Variants in KAT14 observed in about 807,000 individuals in gnomAD.
KAT14 encodes lysine acetyltransferase 14.
A neutral mutation model predicts 78.4 loss-of-function variants in KAT14; 66 were observed. That is an observed-to-expected ratio of 0.84 (90% CI 0.69 to 1.03). The LOEUF (loss-of-function observed/expected upper bound fraction) is 1.03. Among genes scored for constraint, KAT14 ranks in the 50% least tolerant of loss-of-function variants. KAT14 has a pLI of 0.00. For synonymous variants in KAT14, 344 were observed against 359.4 expected, an observed-to-expected ratio of 0.96 and a Z score of 0.48; for missense variants, 870 against 972.5, an observed-to-expected ratio of 0.89 and a Z score of 1.40.
At chr20:18,170,789 G>A (rs1168771143) in intron 7 of KAT14, among the ~76,000 whole-genome samples, 6 of 152,216 alleles carry the variant, frequency 3.9e-5, no homozygotes, top group African/African-American at 1.4e-4. Flanking sequence ...CGCCCGCCTC[G>A]GCCTCCCAAA....
intron 4 of KAT14, among the ~76,000 whole-genome samples, chr20:18,157,981 G>A (rs4814702): frequency 2.6e-5 from 4 of 151,774 alleles, no homozygotes; most frequent in African/African-American, 9.7e-5. Context: ...CTTGTTGCCC[G>A]GGCTGGAGTG....
chr20:18,184,904 C>T, intron 10 of KAT14, 112 bp downstream of exon 10: 3 of 1,163,804 alleles, frequency 2.6e-6, no homozygotes, highest in Non-Finnish European at 3.5e-6. Flanking sequence ...GGAATGGTTT[C>T]CTTGTAAACC....
rs186160210 is a variant in KAT14 at position 18,158,030 on chromosome 20, C to G, written c.501-1054C>G. 1.7e-3 allele frequency among the ~76,000 whole-genome samples: 256 copies of G among 152,186 alleles called. 1 individual carries two copies. Among genetic ancestry groups the G allele is most frequent in the African/African-American group, 5.9e-3 (246 of 41,518 alleles). On this transcript the variant is annotated intron_variant, in intron 4 of 10. Coordinates refer to ENST00000688188, the MANE Select transcript of KAT14 (RefSeq NM_001392073.1). ...TTGGCTCACTGCAGCCTCCGCCTCT[C>G]GGGTTCAAAGATTCTCCTGCCTCAC...
Position 18,162,673 on chromosome 20 carries a change from G to C in KAT14, c.1396G>C (p.Glu466Gln). 1 of 1,614,212 alleles carries C rather than the reference G, an allele frequency of 6.2e-7. No homozygotes were observed. Residue 466 changes from glutamate (E) to glutamine (Q), a missense_variant, in exon 7 of 11, where the codon GAG (glutamate) becomes CAG (glutamine). Coordinates refer to ENST00000688188, the MANE Select transcript of KAT14 (RefSeq NM_001392073.1). ...CAGGTATACTCCCGTGAGCATCTAC[G>C]AGGAAAAGCTGCTGCTCAAGAGGCT... ...EPRYTPVSIY[E>Q]EKLLLKRLEA...
intron 3 of KAT14, among the ~76,000 whole-genome samples, chr20:18,149,829 G>C (rs891707666): frequency 3.3e-5 from 5 of 151,870 alleles, no homozygotes; most frequent in Non-Finnish European, 5.9e-5. Flanking sequence ...GCGCATCTGA[G>C]ATCCCAGCTA....
At chr20:18,175,191 A>G (rs925129225) in intron 7 of KAT14, among the ~76,000 whole-genome samples, 1 of 152,066 alleles carries the variant, frequency 6.6e-6, no homozygotes, top group Non-Finnish European at 1.5e-5. Context: ...CTCTTCTCTC[A>G]GGGAACCTCC....
intron 4 of KAT14, among the ~76,000 whole-genome samples, chr20:18,152,816 G>C (rs902397708): frequency 1.3e-5 from 2 of 152,124 alleles, no homozygotes; most frequent in African/African-American, 4.8e-5. Context: ...CTTGTTCATT[G>C]GTCACTGTGT....
chr20:18,181,925 T>G (rs1445436320), intron 8 of KAT14, 79 bp downstream of exon 8: 2 of 1,564,442 alleles, frequency 1.3e-6, no homozygotes, highest in African/African-American at 1.4e-5. Context: ...TGTTCTCCTG[T>G]TGGAGAGAAT....
intron 1 of KAT14, 182 bp downstream of exon 1, chr20:18,138,233 T>C: frequency 8.0e-7 from 1 of 1,248,468 alleles, no homozygotes; most frequent in Non-Finnish European, 1.0e-6. Context: ...CTCCGGGCGC[T>C]GCAGCTCCCG....
intron 7 of KAT14, among the ~76,000 whole-genome samples, chr20:18,174,456 C>A (rs556308276): frequency 6.6e-6 from 1 of 152,256 alleles, no homozygotes; most frequent in East Asian, 1.9e-4. Flanking sequence ...ATTCTGATTT[C>A]TCCACACATC....
intron 5 of KAT14, 142 bp downstream of exon 5, chr20:18,159,407 T>A (rs904543292): frequency 4.7e-6 from 4 of 854,020 alleles, no homozygotes; most frequent in Non-Finnish European, 6.8e-6. Flanking sequence ...GTGATGACAC[T>A]TGTGTGTGTG....
chr20:18,184,510 C>G, intron 9 of KAT14, 92 bp from the exon 10 acceptor site: 1 of 885,586 alleles, frequency 1.1e-6, no homozygotes, highest in Non-Finnish European at 1.6e-6. Flanking sequence ...TTTTAGCATG[C>G]AGGTGTAGCT....
At chr20:18,186,910 A>C (rs2039468595) in intron 10 of KAT14, among the ~76,000 whole-genome samples, 2 of 152,238 alleles carry the variant, frequency 1.3e-5, no homozygotes, top group African/African-American at 4.8e-5. Context: ...TAGTTTTAAA[A>C]AGCAAAACTT....
intron 7 of KAT14, among the ~76,000 whole-genome samples, chr20:18,164,262 C>T (rs1050885386): frequency 6.6e-6 from 1 of 152,204 alleles, no homozygotes; most frequent in Non-Finnish European, 1.5e-5. Flanking sequence ...AACTGACTCT[C>T]CCTGTCTTCA....
chr20:18,141,834 C>T (rs1013655229), intron 1 of KAT14, among the ~76,000 whole-genome samples: 2 of 152,036 alleles, frequency 1.3e-5, no homozygotes, highest in Admixed American at 6.6e-5. Context: ...CGGTGAGCTG[C>T]GGAGTGCAGC....
chr20:18,179,557 G>A (rs1037781516), intron 7 of KAT14, among the ~76,000 whole-genome samples: 2 of 152,172 alleles, frequency 1.3e-5, no homozygotes, highest in African/African-American at 4.8e-5. Context: ...GGGCCGAGCT[G>A]TACCTTGGCC....
intron 1 of KAT14, chr20:18,138,521 A>C: frequency 7.6e-6 from 7 of 923,068 alleles, no homozygotes; most frequent in Non-Finnish European, 9.1e-6. Flanking sequence ...GTTAAAGCCT[A>C]ATGTGTTTTA....
At chr20:18,172,631 T>A (rs141970910) in intron 7 of KAT14, among the ~76,000 whole-genome samples, 1 of 152,316 alleles carries the variant, frequency 6.6e-6, no homozygotes, top group Non-Finnish European at 1.5e-5. Context: ...ATTATGACAT[T>A]CACTTTATTG....
intron 2 of KAT14, among the ~76,000 whole-genome samples, chr20:18,143,639 T>A (rs1029726240): frequency 6.7e-6 from 1 of 148,736 alleles, no homozygotes. Flanking sequence ...TTTATTTTTT[T>A]TTTTTGAGAC....
Sources: gnomAD v4.1 joint callset for allele counts (sites outside exome capture counted in the v4.1 genomes callset) on GRCh38, gnomAD v4.1.1 for gene constraint, MANE v1.5 for transcripts, NCBI Gene and HGNC (gene_info 2026-07-23, HGNC 2026-07-21) for gene names.